FHIT: variants seen among roughly 807,000 people sequenced by gnomAD.
FHIT encodes fragile histidine triad diadenosine triphosphatase.
Under a neutral mutation model 17.9 loss-of-function variants are expected in FHIT, and 19 were observed. That is an observed-to-expected ratio of 1.06 (90% CI 0.74 to 1.56). FHIT has a LOEUF of 1.56. Ranked by LOEUF, FHIT falls within the 40% of genes most tolerant of loss-of-function variation. FHIT has a pLI of 0.00. For synonymous variants in FHIT, 81 were observed against 69.7 expected, an observed-to-expected ratio of 1.16 and a Z score of -0.81; for missense variants, 248 against 189.2, an observed-to-expected ratio of 1.31 and a Z score of -1.82.
At chr3:60,258,259 C>G (rs1468264928) in intron 5 of FHIT, among the ~76,000 whole-genome samples, 2 of 152,146 alleles carry the variant, frequency 1.3e-5, no homozygotes, top group African/African-American at 2.4e-5. Flanking sequence ...CAACGTTCAA[C>G]TTTACCTGAG....
intron 5 of FHIT, among the ~76,000 whole-genome samples, chr3:60,033,400 A>T (rs998219537): frequency 3.3e-5 from 5 of 152,054 alleles, no homozygotes; most frequent in Non-Finnish European, 7.4e-5. Flanking sequence ...AGGTTGAGGC[A>T]GGAGAATCGC....
chr3:60,968,125 G>A (rs867216345), intron 3 of FHIT, among the ~76,000 whole-genome samples: 1 of 152,232 alleles, frequency 6.6e-6, no homozygotes, highest in Non-Finnish European at 1.5e-5. Flanking sequence ...AGCCCGAGTT[G>A]AGAGCAGAAA....
intron 4 of FHIT, among the ~76,000 whole-genome samples, chr3:60,675,298 C>T (rs79163424): frequency 0.039 from 5,944 of 152,246 alleles, 159 homozygotes; most frequent in East Asian, 0.11. Context: ...TACAAATGAT[C>T]CTATTTATTC....
At chr3:60,400,771 T>C (rs1487322227) in intron 5 of FHIT, among the ~76,000 whole-genome samples, 1 of 152,068 alleles carries the variant, frequency 6.6e-6, no homozygotes, top group Non-Finnish European at 1.5e-5. Context: ...ACTTAGGGAG[T>C]ACGAAATCTC....
At chr3:59,759,765 G>T (rs1257794570) in intron 8 of FHIT, among the ~76,000 whole-genome samples, 1 of 151,868 alleles carries the variant, frequency 6.6e-6, no homozygotes, top group Non-Finnish European at 1.5e-5. Context: ...CTATGTGCTG[G>T]TTACTGAGCA....
chr3:59,967,879 A>G (rs928275378), intron 7 of FHIT, among the ~76,000 whole-genome samples: 5 of 152,242 alleles, frequency 3.3e-5, no homozygotes, highest in African/African-American at 9.6e-5. Flanking sequence ...TAAGAAACAT[A>G]AAAGAAAAAA....
At chr3:60,045,543 T>G (rs1441251517) in intron 5 of FHIT, among the ~76,000 whole-genome samples, 2 of 152,038 alleles carry the variant, frequency 1.3e-5, no homozygotes, top group East Asian at 1.9e-4. Flanking sequence ...GAGATTTGGG[T>G]GGGGACACAG....
intron 5 of FHIT, among the ~76,000 whole-genome samples, chr3:60,511,287 C>T (rs991042493): frequency 6.6e-6 from 1 of 152,088 alleles, no homozygotes; most frequent in African/African-American, 2.4e-5. Context: ...CCTATAATTA[C>T]CACCATTATG....
chr3:59,897,311 C>A (rs1215379076), intron 8 of FHIT, among the ~76,000 whole-genome samples: 1 of 152,190 alleles, frequency 6.6e-6, no homozygotes, highest in Non-Finnish European at 1.5e-5. Flanking sequence ...TCTAGACACC[C>A]TCCCTATAGT....
intron 4 of FHIT, among the ~76,000 whole-genome samples, chr3:60,802,444 T>C (rs1701225168): frequency 6.6e-6 from 1 of 152,178 alleles, no homozygotes; most frequent in Admixed American, 6.5e-5. Flanking sequence ...CTCTTATTCG[T>C]AAAAGCAACA....
chr3:60,902,706 G>A (rs1181031821), intron 3 of FHIT, among the ~76,000 whole-genome samples: 6 of 152,186 alleles, frequency 3.9e-5, no homozygotes, highest in African/African-American at 1.4e-4. Context: ...AGGAAGCAAA[G>A]TGCAACTAAG....
At chr3:60,706,820 CA>C (rs2041384850) in intron 4 of FHIT, among the ~76,000 whole-genome samples, 1 of 152,150 alleles carries the variant, frequency 6.6e-6, no homozygotes, top group Non-Finnish European at 1.5e-5. Flanking sequence ...AAAAAGCCAT[CA>C]AAAGATGCTT....
intron 8 of FHIT, among the ~76,000 whole-genome samples, chr3:59,917,468 T>A (rs13088815): frequency 6.6e-6 from 1 of 152,164 alleles, no homozygotes; most frequent in Non-Finnish European, 1.5e-5. Flanking sequence ...CTCCCCCACA[T>A]TGGCTATACA....
At chr3:60,057,754 G>A (rs915541864) in intron 5 of FHIT, among the ~76,000 whole-genome samples, 1 of 151,136 alleles carries the variant, frequency 6.6e-6, no homozygotes, top group African/African-American at 2.4e-5. Flanking sequence ...TTGACAATGA[G>A]ATGCTGGACC....
At chr3:61,081,870 C>G (rs1195987985) in intron 2 of FHIT, among the ~76,000 whole-genome samples, 1 of 152,138 alleles carries the variant, frequency 6.6e-6, no homozygotes, top group African/African-American at 2.4e-5. Context: ...ACAAGTAAAC[C>G]TATTCTGTGC....
chr3:60,057,949 C>T (rs993394025), intron 5 of FHIT, among the ~76,000 whole-genome samples: 10 of 132,762 alleles, frequency 7.5e-5, no homozygotes, highest in African/African-American at 2.1e-4. Flanking sequence ...GTTTTCTGCA[C>T]GGCAAACAGC....
chr3:59,876,287 A>T (rs952882753), intron 8 of FHIT, among the ~76,000 whole-genome samples: 1 of 152,088 alleles, frequency 6.6e-6, no homozygotes, highest in Non-Finnish European at 1.5e-5. Flanking sequence ...AAAAAAGATT[A>T]TTTTTTCCTA....
At chr3:60,103,430 G>A (rs777729011) in intron 5 of FHIT, among the ~76,000 whole-genome samples, 13 of 152,098 alleles carry the variant, frequency 8.5e-5, no homozygotes, top group Admixed American at 3.3e-4. Flanking sequence ...GCTTTTACAC[G>A]TTTTAGACAA....
intron 7 of FHIT, among the ~76,000 whole-genome samples, chr3:59,936,590 C>T (rs1706252232): frequency 6.6e-6 from 1 of 152,154 alleles, no homozygotes; most frequent in South Asian, 2.1e-4. Flanking sequence ...CTGCCTTCTA[C>T]TTAATGAGCA....
Sources: gnomAD v4.1 joint callset for allele counts (sites outside exome capture counted in the v4.1 genomes callset) on GRCh38, gnomAD v4.1.1 for gene constraint, MANE v1.5 for transcripts, NCBI Gene and HGNC (gene_info 2026-07-23, HGNC 2026-07-21) for gene names.